RBFOX2: variants seen among roughly 807,000 people sequenced by gnomAD.
RBFOX2 encodes RNA binding protein fox-1 homolog 2.
Under a neutral mutation model 49.1 loss-of-function variants are expected in RBFOX2, and 10 were observed. The observed-to-expected ratio is 0.20, with a 90% confidence interval of 0.13 to 0.35. The LOEUF is 0.35. RBFOX2 is among the 10% of genes least tolerant of loss of function. RBFOX2 has a pLI of 1.00. For synonymous variants in RBFOX2, 183 were observed against 187.4 expected, an observed-to-expected ratio of 0.98 and a Z score of 0.19; for missense variants, 323 against 486.9, an observed-to-expected ratio of 0.66 and a Z score of 3.17.
chr22:35,938,930 G>T (rs1293008978), upstream of RBFOX2: 3 of 1,574,084 alleles, frequency 1.9e-6, no homozygotes, highest in Non-Finnish European at 2.6e-6. Context: ...ATCAAACCAT[G>T]AGATGAAAGA....
intron 1 of RBFOX2, among the ~76,000 whole-genome samples, chr22:35,926,915 T>A (rs2051715102): frequency 6.6e-6 from 1 of 152,116 alleles, no homozygotes; most frequent in East Asian, 1.9e-4. Flanking sequence ...AAAGGCAGAG[T>A]TTAGTGCAAC....
intron 1 of RBFOX2, among the ~76,000 whole-genome samples, chr22:36,008,710 C>G (rs544300319): frequency 6.6e-6 from 1 of 151,876 alleles, no homozygotes; most frequent in African/African-American, 2.4e-5. Context: ...CCCAGCTACT[C>G]GGGAGGCTGA....
intron 1 of RBFOX2, among the ~76,000 whole-genome samples, chr22:35,935,662 C>T (rs1156577752): frequency 6.6e-6 from 1 of 152,144 alleles, no homozygotes. Flanking sequence ...ACGAAGCCCC[C>T]ACATGGTAAA....
intron 1 of RBFOX2, among the ~76,000 whole-genome samples, chr22:35,888,277 T>C (rs1480520725): frequency 6.6e-6 from 1 of 152,208 alleles, no homozygotes; most frequent in Non-Finnish European, 1.5e-5. Flanking sequence ...TACTATTTTA[T>C]ACCTTGCTTC....
intron 2 of RBFOX2, among the ~76,000 whole-genome samples, chr22:35,803,640 G>A (rs1175954797): frequency 2.0e-5 from 3 of 152,078 alleles, no homozygotes; most frequent in African/African-American, 7.2e-5. Flanking sequence ...TTACACCTCT[G>A]CACTCCAGCC....
chr22:35,797,357 A>G (rs1948970480), intron 2 of RBFOX2, among the ~76,000 whole-genome samples: 1 of 152,238 alleles, frequency 6.6e-6, no homozygotes, highest in Non-Finnish European at 1.5e-5. Context: ...CAGCTAGTTC[A>G]GCTTGCAACT....
chr22:35,849,517 C>T (rs992275885), intron 1 of RBFOX2, among the ~76,000 whole-genome samples: 1 of 152,136 alleles, frequency 6.6e-6, no homozygotes, highest in African/African-American at 2.4e-5. Context: ...TTTCATTCCA[C>T]CATAAAGCTT....
chr22:35,816,089 G>A (rs1211670723), intron 1 of RBFOX2, among the ~76,000 whole-genome samples: 3 of 152,020 alleles, frequency 2.0e-5, no homozygotes, highest in Non-Finnish European at 4.4e-5. Flanking sequence ...AATTAACTCT[G>A]TAGAAGAACA....
intron 1 of RBFOX2, among the ~76,000 whole-genome samples, chr22:36,026,040 G>C (rs545388731): frequency 2.6e-5 from 4 of 152,262 alleles, no homozygotes; most frequent in African/African-American, 9.6e-5. Context: ...TGAGGTGGGT[G>C]AATCACCTGA....
chr22:35,935,275 A>G (rs2052928418), intron 1 of RBFOX2, among the ~76,000 whole-genome samples: 1 of 152,178 alleles, frequency 6.6e-6, no homozygotes, highest in South Asian at 2.1e-4. Flanking sequence ...TTTCTGAACT[A>G]GTTTTCACTT....
At chr22:35,846,611 T>G (rs1603401664) in intron 1 of RBFOX2, among the ~76,000 whole-genome samples, 1 of 150,254 alleles carries the variant, frequency 6.7e-6, no homozygotes, top group Non-Finnish European at 1.5e-5. Flanking sequence ...AAAAATTAGC[T>G]GGGTGTGGTG....
At chr22:35,897,575 C>T (rs1418419058) in intron 1 of RBFOX2, 2 of 940,206 alleles carry the variant, frequency 2.1e-6, no homozygotes, top group Non-Finnish European at 3.5e-6. Flanking sequence ...ATGTACTTCA[C>T]CAGGTCAAAG....
chr22:35,877,719 T>G (rs939260099), intron 1 of RBFOX2, among the ~76,000 whole-genome samples: 1 of 152,184 alleles, frequency 6.6e-6, no homozygotes, highest in African/African-American at 2.4e-5. Context: ...CCAGTTAATT[T>G]GGTTCCAAAG....
At chr22:35,824,866 T>C (rs911835771) in intron 1 of RBFOX2, among the ~76,000 whole-genome samples, 2 of 152,254 alleles carry the variant, frequency 1.3e-5, no homozygotes, top group African/African-American at 4.8e-5. Flanking sequence ...TCTTCCTCAC[T>C]TGAAACTTCA....
At chr22:35,984,734 G>A (rs1316671295) in intron 1 of RBFOX2, among the ~76,000 whole-genome samples, 2 of 152,010 alleles carry the variant, frequency 1.3e-5, no homozygotes, top group East Asian at 1.9e-4. Context: ...AACCCAGCCC[G>A]AAAGAAGCAC....
At chr22:35,934,289 AGAGT>A (rs1461277898) in intron 1 of RBFOX2, among the ~76,000 whole-genome samples, 2 of 152,152 alleles carry the variant, frequency 1.3e-5, no homozygotes, top group Non-Finnish European at 2.9e-5. Context: ...AGGAAACTAA[AGAGT>A]AAGCATATAT....
At chr22:35,744,083 TTTTG>T (rs970560630) in exon 12 of RBFOX2, 312 of 831,682 alleles carry the variant, frequency 3.8e-4, no homozygotes, top group African/African-American at 1.9e-3. Context: ...TTGTGTTTTT[TTTTG>T]TTTGTTTGTT....
intron 1 of RBFOX2, among the ~76,000 whole-genome samples, chr22:35,876,012 G>A (rs2045032197): frequency 6.6e-6 from 1 of 152,066 alleles, no homozygotes; most frequent in African/African-American, 2.4e-5. Context: ...AAAGGAAAAT[G>A]AGAGTTACTG....
chr22:35,739,956 G>C (rs1038489340), exon 12 of RBFOX2: 1 of 152,620 alleles, frequency 6.6e-6, no homozygotes, highest in Non-Finnish European at 1.5e-5. Flanking sequence ...CCGTTTTCCT[G>C]AGTAAACTGT....
Sources: gnomAD v4.1 joint callset for allele counts (sites outside exome capture counted in the v4.1 genomes callset) on GRCh38, gnomAD v4.1.1 for gene constraint, MANE v1.5 for transcripts, NCBI Gene and HGNC (gene_info 2026-07-23, HGNC 2026-07-21) for gene names.